CNTN4: variants seen among roughly 807,000 people sequenced by gnomAD.
The protein encoded by CNTN4 is contactin-4.
Under a neutral mutation model 122.5 loss-of-function variants are expected in CNTN4, and 77 were observed. The observed-to-expected ratio is 0.63, with a 90% CI of 0.52 to 0.76. The LOEUF (loss-of-function observed/expected upper bound fraction) is 0.76, where lower values mean the gene tolerates loss of function less well. Ranked by LOEUF, CNTN4 falls within the 30% of genes least tolerant of loss-of-function variation. The pLI, the probability that CNTN4 is intolerant of heterozygous loss-of-function variation, is 0.00. For synonymous variants in CNTN4, 512 were observed against 447.0 expected, an observed-to-expected ratio of 1.15 and a Z score of -1.83; for missense variants, 1,256 against 1,259.1, an observed-to-expected ratio of 1.00 and a Z score of 0.04.
chr3:2,626,548 G>C (rs1229981318), intron 4 of CNTN4, among the ~76,000 whole-genome samples: 2 of 151,680 alleles, frequency 1.3e-5, no homozygotes, highest in African/African-American at 4.8e-5. Context: ...TTTTCATATG[G>C]GTAAAAAGGA....
At chr3:2,159,855 C>T (rs115370013) in intron 2 of CNTN4, among the ~76,000 whole-genome samples, 6,728 of 151,074 alleles carry the variant, frequency 0.045, 206 homozygotes, top group Middle Eastern at 0.12. Flanking sequence ...TTAGTTTAAT[C>T]CTTTAACAAA....
At chr3:2,922,680 T>C (rs549503510) in intron 12 of CNTN4, among the ~76,000 whole-genome samples, 2 of 147,212 alleles carry the variant, frequency 1.4e-5, no homozygotes, top group East Asian at 4.0e-4. Flanking sequence ...TGGCACGATC[T>C]TGGCTCACTG....
At chr3:2,631,865 C>CAGAAAA (rs2082444121) in intron 4 of CNTN4, among the ~76,000 whole-genome samples, 1 of 70,194 alleles carries the variant, frequency 1.4e-5, no homozygotes, top group Non-Finnish European at 2.9e-5. Flanking sequence ...CGTATCTCTA[C>CAGAAAA]AAAAAAAAAA....
intron 3 of CNTN4, among the ~76,000 whole-genome samples, chr3:2,472,042 C>T (rs542465082): frequency 3.3e-5 from 5 of 151,796 alleles, no homozygotes; most frequent in Admixed American, 3.3e-4. Flanking sequence ...TCCCCGAAAC[C>T]CCATCTCTAC....
intron 3 of CNTN4, among the ~76,000 whole-genome samples, chr3:2,414,533 C>T (rs1249415289): frequency 6.6e-6 from 1 of 152,066 alleles, no homozygotes; most frequent in Non-Finnish European, 1.5e-5. Context: ...ATTAAAACTT[C>T]TCTTTTTTGT....
In CNTN4 at chr3:2,378,064, C is replaced by T. The variant is rs1381708520; in HGVS notation, c.-89+38831C>T. 5.9e-5 allele frequency among the ~76,000 whole-genome samples: 9 copies of T among 152,310 alleles called. No individual in the cohort carries two copies. The East Asian group carries it at 1.7e-3, about 29-fold the overall frequency. ...CTTGCAATATTTGGAATAATATAAA[C>T]TAAGTACCACAGTGTAGTTTGAGGC... On this transcript the variant is annotated intron_variant, in intron 3 of 24. Transcript: ENST00000418658.
intron 4 of CNTN4, among the ~76,000 whole-genome samples, chr3:2,637,186 C>T (rs9866315): frequency 0.42 from 63,015 of 151,756 alleles, 13,354 homozygotes; most frequent in East Asian, 0.69. Flanking sequence ...AAGTGATCTG[C>T]CTGCTTTGGC....
chr3:2,385,766 C>A lies in CNTN4; in HGVS notation c.-89+46533C>A, dbSNP rs1023042232. Among the ~76,000 whole-genome samples, 1 of 152,054 alleles carries A rather than the reference C, an allele frequency of 6.6e-6. No individual in the cohort carries two copies. The highest frequency in any genetic ancestry group is 2.4e-5 in the African/African-American group (1 of 41,440). On this transcript the variant is annotated intron_variant, in intron 3 of 24. Coordinates refer to ENST00000418658, the MANE Select transcript of CNTN4 (RefSeq NM_175607.3). The surrounding 1 kb of genome is among the most constrained non-coding windows in gnomAD (Gnocchi z 4.0). Reference sequence around the variant, plus strand: ...ATAAGTCTTATTGGATATGACCTATCCTAATGAACTCATCTTAACTTGGTT... The same window carrying A: ...ATAAGTCTTATTGGATATGACCTATACTAATGAACTCATCTTAACTTGGTT...
At chr3:2,350,570 G>A (rs78665965) in intron 3 of CNTN4, among the ~76,000 whole-genome samples, 26 of 72,606 alleles carry the variant, frequency 3.6e-4, no homozygotes, top group East Asian at 1.4e-3. Flanking sequence ...CTTAAATAAA[G>A]AAAAAAATAG....
chr3:2,836,196 T>C (rs2093222027), intron 7 of CNTN4, among the ~76,000 whole-genome samples: 1 of 152,184 alleles, frequency 6.6e-6, no homozygotes, highest in Non-Finnish European at 1.5e-5. Context: ...CCAATTATTA[T>C]GGAAGGAATT....
chr3:2,475,623 A>G (rs866428813), intron 3 of CNTN4, among the ~76,000 whole-genome samples: 5 of 152,110 alleles, frequency 3.3e-5, no homozygotes, highest in Non-Finnish European at 4.4e-5. Context: ...GTTCCTTTTT[A>G]TTGATGCTTA....
chr3:2,881,248 C>A (rs2150967578), intron 8 of CNTN4, among the ~76,000 whole-genome samples: 1 of 152,268 alleles, frequency 6.6e-6, no homozygotes, highest in East Asian at 1.9e-4. Context: ...TGCGGTGGCT[C>A]ATGCCTGTAA....
intron 4 of CNTN4, among the ~76,000 whole-genome samples, chr3:2,714,711 A>G (rs549192296): frequency 6.6e-6 from 1 of 152,132 alleles, no homozygotes; most frequent in Non-Finnish European, 1.5e-5. Context: ...TGGGAGTGGT[A>G]TAGGAAAATG....
chr3:2,777,990 G>C (rs919558531), intron 6 of CNTN4, among the ~76,000 whole-genome samples: 1 of 151,852 alleles, frequency 6.6e-6, no homozygotes, highest in African/African-American at 2.4e-5. Context: ...CGAGGTGGGC[G>C]GATCATGAGG....
At position 3,015,867 on chromosome 3, in the gene CNTN4, C is replaced by T. The variant is rs149491203; in HGVS notation, c.1487-10235C>T. ...TTACTTTTTATCAGTAGATGCAGCC[C>T]GATGCCCAGCAGATGCAATCACACA... On this transcript the variant is annotated intron_variant, in intron 14 of 24. Coordinates refer to ENST00000418658, the MANE Select transcript of CNTN4 (RefSeq NM_175607.3). 5.3e-5 allele frequency among the ~76,000 whole-genome samples: 8 copies of T among 152,228 alleles called. No individual in the cohort carries two copies. In the East Asian group the frequency reaches 9.7e-4, roughly 18 times the overall value.
intron 3 of CNTN4, among the ~76,000 whole-genome samples, chr3:2,453,792 A>T (rs2048910721): frequency 6.6e-6 from 1 of 152,194 alleles, no homozygotes; most frequent in Admixed American, 6.6e-5. Context: ...GGTCAGTGTT[A>T]TAAACATAGC....
rs553542863 is a variant in CNTN4, at chr3:2,270,095, G to A, written c.-144-69083G>A. On this transcript the variant is annotated intron_variant, in intron 2 of 24. Coordinates refer to ENST00000418658, the MANE Select transcript of CNTN4 (RefSeq NM_175607.3). ...CTCCCCAGTAGCTGGGACTACAGGC[G>A]CCCGCCACCGCGCCCGGCTAATTTT... 3.4e-4 allele frequency among the ~76,000 whole-genome samples: 31 copies of A among 91,280 alleles called. 6 individuals carry two copies. The East Asian group carries it at 9.3e-3, about 28-fold the overall frequency. 59.9% of individuals were successfully genotyped at this position (91,280 alleles called of 152,430 possible).
At chr3:2,745,408 T>C in intron 5 of CNTN4, 114 bp from the exon 6 acceptor site, 1 of 922,950 alleles carries the variant, frequency 1.1e-6, no homozygotes, top group South Asian at 1.5e-5. Flanking sequence ...TCATGCTTTT[T>C]ACAAAAGTCA....
chr3:2,816,905 A>C (rs1422314011), intron 6 of CNTN4, among the ~76,000 whole-genome samples: 1 of 152,024 alleles, frequency 6.6e-6, no homozygotes, highest in Non-Finnish European at 1.5e-5. Flanking sequence ...AAATTTAATA[A>C]ATAAATAAAA....
Sources: gnomAD v4.1 joint callset for allele counts (sites outside exome capture counted in the v4.1 genomes callset) on GRCh38, gnomAD v4.1.1 for gene constraint, Gnocchi (gnomAD v3.1) non-coding constraint, MANE v1.5 for transcripts, NCBI Gene and HGNC (gene_info 2026-07-23, HGNC 2026-07-21) for gene names.